The following ELAPOR1 variants were observed in gnomAD, a reference collection of about 807,000 sequenced individuals.
The protein encoded by ELAPOR1 is endosome-lysosome associated apoptosis and autophagy regulator 1, also known as endosome/lysosome-associated apoptosis and autophagy regulator 1.
ELAPOR1 carries 77 observed loss-of-function variants against 119.7 expected under a neutral mutation model. The observed-to-expected ratio is 0.64, with a 90% CI of 0.54 to 0.78. The LOEUF (loss-of-function observed/expected upper bound fraction) is 0.78, where lower values mean the gene tolerates loss of function less well. Among genes scored for constraint, ELAPOR1 ranks in the 30% least tolerant of loss-of-function variants. The probability of loss-of-function intolerance (pLI) is 0.00; values close to 1 mark genes in which losing one functional copy is unlikely to be tolerated. For synonymous variants in ELAPOR1, 481 were observed against 487.2 expected (o/e 0.99, Z 0.17); for missense variants, 1,115 against 1,270.4 (o/e 0.88, Z 1.86).
intron 3 of ELAPOR1, among the ~76,000 whole-genome samples, chr1:109,166,246 T>C (rs1558044556): frequency 1.3e-5 from 2 of 151,712 alleles, no homozygotes; most frequent in Non-Finnish European, 2.9e-5. Context: ...AGAGATGGGG[T>C]TTCACCATGT....
rs891175710 is a variant in ELAPOR1 at position 109,164,591 on chromosome 1, C to A, written c.367C>A (p.Arg123=). ...CCGCTACTCCCTCGGCACAGGCATT[C>A]GGTTTGATGAGTGGGATGAGCTGCC... ...EGRYSLGTGI[R]FDEWDELPHG... is the part of the protein sequence containing the mutation. The change falls in exon 3 of 22, where the codon CGG becomes AGG. Residue 123 remains arginine (R), a synonymous_variant. Transcript: ENST00000369939. 1 of 1,614,266 alleles carries A rather than the reference C, an allele frequency of 6.2e-7. No homozygotes were observed. Among genetic ancestry groups the A allele is most frequent in the Non-Finnish European group, 8.5e-7 (1 of 1,180,036 alleles).
chr1:109,145,536 G>A (rs1650123226), intron 1 of ELAPOR1, among the ~76,000 whole-genome samples: 1 of 151,970 alleles, frequency 6.6e-6, no homozygotes, highest in Non-Finnish European at 1.5e-5. Context: ...CGCACTTGTG[G>A]TCTCAGCTAC....
intron 1 of ELAPOR1, among the ~76,000 whole-genome samples, chr1:109,141,405 G>A (rs1649818420): frequency 6.6e-6 from 1 of 151,954 alleles, no homozygotes; most frequent in South Asian, 2.1e-4. Context: ...GGGACTACAG[G>A]CGCCTGCCAC....
chr1:109,142,046 C>T (rs1649862040), intron 1 of ELAPOR1, among the ~76,000 whole-genome samples: 1 of 151,996 alleles, frequency 6.6e-6, no homozygotes. Flanking sequence ...CTGTGGAATG[C>T]CCCCATAAGC....
Position 109,171,969 on chromosome 1 carries a change from T to C in ELAPOR1, c.571T>C (p.Phe191Leu). 2 of 1,614,190 alleles carry C rather than the reference T, an allele frequency of 1.2e-6. No individual in the cohort carries two copies. The highest frequency in any genetic ancestry group is 2.7e-5 in the African/African-American group (2 of 75,040). ...CCTGAAGCAATCTGGCACCGTTAAC[T>C]TCGAATACTACTATCCAGACTCCAG... is the stretch of plus-strand genomic sequence containing the variant. ...VNLKQSGTVN[F>L]EYYYPDSSII... The change falls in exon 4 of 22, where the codon TTC (phenylalanine) becomes CTC (leucine). Residue 191 changes from phenylalanine (F) to leucine (L), a missense_variant. Physicochemically the swap from Phe to Leu is conservative, Grantham distance 22. Coordinates refer to ENST00000369939, the MANE Select transcript of ELAPOR1 (RefSeq NM_020775.5).
chr1:109,187,605 C>A, intron 8 of ELAPOR1: 1 of 1,002,324 alleles, frequency 1.0e-6, no homozygotes, highest in South Asian at 4.7e-5. Context: ...CCGGGGTCTC[C>A]TGCGGGTCAT....
intron 16 of ELAPOR1, 21 bp downstream of exon 16, chr1:109,197,675 A>T: frequency 1.3e-6 from 2 of 1,531,874 alleles, no homozygotes; most frequent in Non-Finnish European, 1.8e-6. Flanking sequence ...CCGCTGCCTC[A>T]GCCTTGTTTG....
chr1:109,183,454 G>A (rs897172568), intron 7 of ELAPOR1, among the ~76,000 whole-genome samples: 12 of 152,000 alleles, frequency 7.9e-5, no homozygotes, highest in Admixed American at 2.0e-4. Flanking sequence ...ACTATCCAGA[G>A]GTTCACAGGG....
rs190495515 is a variant in ELAPOR1, at chr1:109,160,470, A to T, written c.154-1424A>T. ...TTCCTTACTGTGTCAATTTTAAGAC[A>T]CGTCTTGATTTCATAGATGTTAGAT... On this transcript the variant is annotated intron_variant, in intron 1 of 21. Transcript: ENST00000369939. Among the ~76,000 whole-genome samples the T allele has an allele frequency of 2.7e-3, 415 of 152,274 alleles. 1 individual carries two copies. The highest frequency in any genetic ancestry group is 4.0e-3 in the Non-Finnish European group (271 of 68,016).
chr1:109,175,272 G>A (rs999049059), intron 7 of ELAPOR1, among the ~76,000 whole-genome samples: 3 of 151,126 alleles, frequency 2.0e-5, no homozygotes, highest in Non-Finnish European at 4.4e-5. Context: ...GCGTGATCTC[G>A]GCTCACCACA....
At position 109,187,994 on chromosome 1, in the gene ELAPOR1, G is replaced by A. The variant is rs112036638; in HGVS notation, c.1042-183G>A. ...GCAGATAGTGATTGAACACAACCAT[G>A]ACTCAGGCACTGGGCTAGGTGCTTG... On this transcript the variant is annotated intron_variant, in intron 8 of 21. Coordinates refer to ENST00000369939, the MANE Select transcript of ELAPOR1 (RefSeq NM_020775.5). 4,425 of 1,359,786 alleles carry A rather than the reference G, an allele frequency of 3.3e-3. 59 individuals carry two copies. The South Asian group carries it at 0.036, about 11-fold the overall frequency. 84.2% of individuals were successfully genotyped at this position (1,359,786 alleles called of 1,614,324 possible).
In ELAPOR1 at chr1:109,201,351, A is replaced by G. The variant is rs761396312; in HGVS notation, c.2973+451A>G. 6 of 456,348 alleles carry G rather than the reference A, an allele frequency of 1.3e-5. No homozygotes were observed. The East Asian group carries it at 4.2e-4, about 32-fold the overall frequency. 28.3% of individuals were successfully genotyped at this position (456,348 alleles called of 1,614,324 possible). On this transcript the variant is annotated intron_variant, in intron 21 of 21. Transcript: ENST00000369939. ...GGTCCAGTCCTTTGGGAGCTGAATC[A>G]TAGTTCAGTCTCAGCTGTTCCCCAC... is the stretch of plus-strand genomic sequence containing the variant.
At chr1:109,183,345 AAAACAAAAAAAAGAGAGAG>A (rs1652825456) in intron 7 of ELAPOR1, among the ~76,000 whole-genome samples, 1 of 117,472 alleles carries the variant, frequency 8.5e-6, no homozygotes, top group African/African-American at 3.2e-5. Flanking sequence ...AAAAAAAAAA[AAAACAAAAAAAAGAGAGAG>A]AGAGAGAAAA....
At chr1:109,189,714 C>T in intron 11 of ELAPOR1, 32 bp downstream of exon 11, 1 of 1,546,230 alleles carries the variant, frequency 6.5e-7, no homozygotes, top group Non-Finnish European at 8.9e-7. Flanking sequence ...GGAGTCCAGG[C>T]CAGCTTGGCC....
Position 109,174,739 on chromosome 1 carries a change from G to A in ELAPOR1, c.952+902G>A, listed in dbSNP as rs867610482. On this transcript the variant is annotated intron_variant, in intron 7 of 21. Transcript: ENST00000369939. ...GTTGCAATCCTTTTTTTTTTGAGAC[G>A]GAGTCTTTCTCTGTCGCCCAGGCTG... 8.6e-5 allele frequency among the ~76,000 whole-genome samples: 13 copies of A among 151,322 alleles called. No individual in the cohort carries two copies. In the South Asian group the frequency reaches 1.9e-3, roughly 22 times the overall value.
intron 7 of ELAPOR1, among the ~76,000 whole-genome samples, chr1:109,180,824 G>A (rs984145356): frequency 2.6e-5 from 4 of 152,092 alleles, no homozygotes; most frequent in African/African-American, 7.2e-5. Context: ...AATTAGCCAG[G>A]TGTGGTGGCA....
intron 3 of ELAPOR1, among the ~76,000 whole-genome samples, 159 bp downstream of exon 3, chr1:109,164,850 G>A (rs1651489413): frequency 6.6e-6 from 1 of 152,330 alleles, no homozygotes; most frequent in Admixed American, 6.5e-5. Flanking sequence ...GTGCCCGCAA[G>A]ACCAGTGGAT....
At chr1:109,121,292 A>G (rs508863) in intron 1 of ELAPOR1, among the ~76,000 whole-genome samples, 61,816 of 151,696 alleles carry the variant, frequency 0.41, 14,419 homozygotes, top group African/African-American at 0.64. Context: ...GATTACAGGC[A>G]TCTGCCATCA....
At chr1:109,140,466 T>C (rs896021184) in intron 1 of ELAPOR1, among the ~76,000 whole-genome samples, 1 of 152,214 alleles carries the variant, frequency 6.6e-6, no homozygotes, top group Non-Finnish European at 1.5e-5. Context: ...GGGGCAGCCA[T>C]ACAACCTGAC....
Sources: allele counts gnomAD v4.1 joint callset (sites outside exome capture counted in the v4.1 genomes callset), GRCh38; gene constraint gnomAD v4.1.1; transcripts MANE v1.5; gene names NCBI Gene and HGNC (gene_info 2026-07-23, HGNC 2026-07-21).